Variants in F8 observed in about 807,000 individuals in gnomAD.
F8 encodes coagulation factor VIII.
A neutral mutation model predicts 140.6 loss-of-function variants in F8; 12 were observed. The ratio of observed to expected loss-of-function variants is 0.09; its 90% CI spans 0.05 to 0.14. The LOEUF is 0.14. F8 is among the 10% of genes least tolerant of loss of function. F8 has a pLI of 1.00. For missense variants in F8, 1,354 were observed against 1,720.7 expected (o/e 0.79, Z 3.77); for synonymous variants, 585 against 614.6 (o/e 0.95, Z 0.71).
At chrX:154,915,576 A>G (rs782202375) in intron 14 of F8, among the ~76,000 whole-genome samples, 1 of 111,450 alleles carries the variant, frequency 9.0e-6, no homozygotes, top group East Asian at 2.8e-4. Context: ...TTTTTATTAT[A>G]GCTATTGAAA....
rs199974212 is a variant in F8, at chrX:154,984,860, G to A, written c.671-57C>T. The A allele has an allele frequency of 7.8e-4, 728 of 928,718 alleles. 5 individuals are homozygous for A. The highest frequency in any genetic ancestry group is 2.7e-4 in the African/African-American group (14 of 51,871). The allele number at this position is 928,718 out of a possible 1,213,427, so 76.5% of individuals were successfully genotyped here. A position where few individuals can be genotyped will look rare whatever the true frequency, so the allele number is the denominator to read the frequency against. On this transcript the variant is annotated intron_variant, in intron 5 of 25. Transcript: ENST00000360256. ...CTAAGCATGTGTCTCATGAATGACC[G>A]CCTCCCCTTTCTCCTTCCCTGCTCC...
intron 14 of F8, among the ~76,000 whole-genome samples, chrX:154,913,454 T>C (rs1246475953): frequency 8.9e-6 from 1 of 111,746 alleles, no homozygotes; most frequent in African/African-American, 3.3e-5. Context: ...CATTCCAGCC[T>C]TAACCCAAAA....
At chrX:154,850,430 CA>C (rs2072606348) in intron 25 of F8, among the ~76,000 whole-genome samples, 2 of 108,633 alleles carry the variant, frequency 1.8e-5, no homozygotes, top group African/African-American at 6.7e-5. Context: ...GCCTGGCCAG[CA>C]GGCTTGGTTC....
Position 154,930,895 on chromosome X carries a change from C to T in F8, c.2895G>A (p.Lys965=). ...TATTCATTAAACCTGATTCTAACAA[C>T]TTTGAATCATTATTTTCTTCACTCA... ...LSLSEENNDS[K]LLESGLMNSQ... The change falls in exon 14 of 26, where the codon AAG becomes AAA. Residue 965 remains lysine, a synonymous_variant. Coordinates refer to ENST00000360256, the MANE Select transcript of F8 (RefSeq NM_000132.4). 2.5e-6 allele frequency: 3 copies of T among 1,201,803 alleles called. No homozygotes were observed. Among genetic ancestry groups the T allele is most frequent in the African/African-American group, 1.7e-5 (1 of 57,354 alleles).
intron 12 of F8, among the ~76,000 whole-genome samples, chrX:154,950,278 G>C (rs1361180753): frequency 1.8e-5 from 2 of 112,116 alleles, no homozygotes; most frequent in Non-Finnish European, 3.8e-5. Flanking sequence ...AGTCAATAGG[G>C]TATGCCGATG....
intron 9 of F8, among the ~76,000 whole-genome samples, chrX:154,964,087 A>G (rs1276367511): frequency 8.9e-6 from 1 of 111,983 alleles, no homozygotes; most frequent in African/African-American, 3.2e-5. Context: ...AAATGCACAC[A>G]CACACACACA....
chrX:154,839,664 C>G (rs1169172006), intron 25 of F8, among the ~76,000 whole-genome samples: 2 of 111,455 alleles, frequency 1.8e-5, no homozygotes, highest in African/African-American at 6.5e-5. Context: ...CCTCATTATT[C>G]CTCTTGTAAA....
rs782028823 is a variant in F8, at chrX:154,955,248, T to C, written c.1753-1206A>G. On this transcript the variant is annotated intron_variant, in intron 11 of 25. Transcript: ENST00000360256. ...TCACTGCAGCCTCGACCTCCTGGGCTCAAGCTATCTTCCCACCTCAGCCTC... is the reference window on the plus strand; with the variant it reads ...TCACTGCAGCCTCGACCTCCTGGGCCCAAGCTATCTTCCCACCTCAGCCTC... Among the ~76,000 whole-genome samples, 262 of 85,428 alleles carry C rather than the reference T, an allele frequency of 3.1e-3. 1 individual carries two copies. Among genetic ancestry groups the C allele is most frequent in the Non-Finnish European group, 4.3e-3 (196 of 46,024 alleles). 74.2% of individuals were successfully genotyped at this position (85,428 alleles called of 115,157 possible).
chrX:154,930,333 G>C lies in F8; in HGVS notation c.3457C>G (p.Pro1153Ala). ...TTCTGACCTTCCACAGATTTTTCTG[G>C]TCCTAAGGATACTAATTGCTTTGGA... ...PSPKQLVSLG[P>A]EKSVEGQNFL... The change falls in exon 14 of 26, where the codon CCA becomes GCA. Residue 1153 changes from proline (P) to alanine (A), a missense_variant. Coordinates refer to ENST00000360256, the MANE Select transcript of F8 (RefSeq NM_000132.4). The C allele has an allele frequency of 8.3e-7, 1 of 1,210,958 alleles. No individual in the cohort carries two copies. Among genetic ancestry groups the C allele is most frequent in the Non-Finnish European group, 1.1e-6 (1 of 895,171 alleles).
intron 12 of F8, among the ~76,000 whole-genome samples, chrX:154,951,305 A>G (rs1367356809): frequency 1.8e-5 from 2 of 111,990 alleles, no homozygotes; most frequent in Non-Finnish European, 3.8e-5. Context: ...ATGAAATACA[A>G]TATTGCTGCT....
chrX:154,869,209 C>T (rs1049555832), intron 22 of F8, among the ~76,000 whole-genome samples: 8 of 111,840 alleles, frequency 7.2e-5, no homozygotes, highest in South Asian at 3.7e-4. Flanking sequence ...TAGAGATCTA[C>T]AGAACTCTCC....
chrX:154,837,861 C>A, intron 25 of F8, 109 bp from the exon 26 acceptor site: 1 of 793,196 alleles, frequency 1.3e-6, no homozygotes, highest in Admixed American at 2.5e-5. Context: ...AGGATTAAAC[C>A]CTGGAAGATG....
At chrX:154,966,769 G>C in intron 7 of F8, 82 bp from the exon 8 acceptor site, 1 of 1,091,748 alleles carries the variant, frequency 9.2e-7, no homozygotes, top group Non-Finnish European at 1.3e-6. Flanking sequence ...AATTTATAAA[G>C]AAAAGAGATT....
Position 154,930,748 on chromosome X carries a change from G to A in F8, c.3042C>T (p.Ile1014=), listed in dbSNP as rs2073191277. 8.3e-7 allele frequency: 1 copy of A among 1,208,043 alleles called. No homozygotes were observed. Among genetic ancestry groups the A allele is most frequent in the Admixed American group, 2.2e-5 (1 of 45,664 alleles). The stretch of plus-strand genomic sequence containing the variant: ...AAGTTTTGTTTGTCTTTAACAAAGA[G>A]ATGCTAACTTTGAATAAGGCATTAT... ...TKDNALFKVS[I]SLLKTNKTSN... is the part of the protein sequence containing the mutation. Residue 1014 remains isoleucine, a synonymous_variant, in exon 14 of 26, where the codon ATC becomes ATT. Transcript: ENST00000360256.
At position 154,875,991 on chromosome X, in the gene F8, A is replaced by G. The variant is rs188463736; in HGVS notation, c.6430-12764T>C. ...CTAGATTTAAACCATGGCATACAGC[A>G]TAAGAAATACTGAAAATGATATCAC... On this transcript the variant is annotated intron_variant, in intron 22 of 25. Transcript: ENST00000360256. 4.5e-5 allele frequency among the ~76,000 whole-genome samples: 5 copies of G among 111,429 alleles called. No homozygotes were observed. The Admixed American group carries it at 4.8e-4, about 11-fold the overall frequency.
At chrX:155,008,197 G>T (rs2073686171) in intron 1 of F8, among the ~76,000 whole-genome samples, 1 of 111,572 alleles carries the variant, frequency 9.0e-6, no homozygotes, top group Non-Finnish European at 1.9e-5. Flanking sequence ...TGCTGTATAT[G>T]TATGAATTCA....
At position 154,837,397 on chromosome X, in the gene F8, G is replaced by A. The variant is rs1557270991; in HGVS notation, c.*200C>T. The A allele has an allele frequency of 4.5e-6, 2 of 445,127 alleles. No individual in the cohort carries two copies. Among genetic ancestry groups the A allele is most frequent in the African/African-American group, 4.9e-5 (2 of 40,605 alleles). The allele number at this position is 445,127 out of a possible 1,213,427, so 36.7% of individuals were successfully genotyped here. A position where few individuals can be genotyped will look rare whatever the true frequency, so the allele number is the denominator to read the frequency against. ...ATCTGGGAGCAGCTGCAGAAAATAGGTAAGAGTTAAGTTAAATTGGATGCA... is the reference window on the plus strand; with the variant it reads ...ATCTGGGAGCAGCTGCAGAAAATAGATAAGAGTTAAGTTAAATTGGATGCA... On this transcript the variant is annotated 3_prime_UTR_variant, in exon 26 of 26. Coordinates refer to ENST00000360256, the MANE Select transcript of F8 (RefSeq NM_000132.4).
At chrX:154,842,145 AT>A (rs1557271377) in intron 25 of F8, among the ~76,000 whole-genome samples, 1 of 111,432 alleles carries the variant, frequency 9.0e-6, no homozygotes. Flanking sequence ...ATTAATAAGT[AT>A]CCTCATTTTT....
At chrX:154,982,894 G>A (rs991369058) in intron 6 of F8, among the ~76,000 whole-genome samples, 3 of 112,390 alleles carry the variant, frequency 2.7e-5, no homozygotes, top group Admixed American at 9.4e-5. Flanking sequence ...CCTTTCTCTA[G>A]CTTACTTTAT....
Sources: gnomAD v4.1 joint callset for allele counts (sites outside exome capture counted in the v4.1 genomes callset) on GRCh38, gnomAD v4.1.1 for gene constraint, MANE v1.5 for transcripts, NCBI Gene and HGNC (gene_info 2026-07-23, HGNC 2026-07-21) for gene names.